GEMIN5: variants seen among roughly 807,000 people sequenced by gnomAD.
GEMIN5 encodes gem-associated protein 5.
In GEMIN5, 124 loss-of-function variants were observed where a neutral mutation model predicts 176.9. The observed-to-expected ratio is 0.70, with a 90% CI of 0.61 to 0.81. GEMIN5 has a LOEUF of 0.81. Among genes scored for constraint, GEMIN5 ranks in the 40% least tolerant of loss-of-function variants. The pLI is 0.00. For synonymous variants in GEMIN5, 673 were observed against 665.2 expected (o/e 1.01, Z -0.18); for missense variants, 1,843 against 1,814.6 (o/e 1.02, Z -0.28).
At position 154,888,648 on chromosome 5, in the gene GEMIN5, C is replaced by T. The variant is rs148983604; in HGVS notation, c.4360-271G>A. ...TGCAAATCCACCCTTAAAAATGGTG[C>T]TTCTATTAATATTTGGGCCCACAGC... On this transcript the variant is annotated intron_variant, in intron 27 of 27. Coordinates refer to ENST00000285873, the MANE Select transcript of GEMIN5 (RefSeq NM_015465.5). Among the ~76,000 whole-genome samples, 744 of 152,224 alleles carry T rather than the reference C, an allele frequency of 4.9e-3. 3 individuals carry two copies. The highest frequency in any genetic ancestry group is 6.8e-3 in the Non-Finnish European group (464 of 68,008).
chr5:154,933,364 A>G (rs906948216), intron 3 of GEMIN5, among the ~76,000 whole-genome samples: 4 of 152,172 alleles, frequency 2.6e-5, no homozygotes, highest in Admixed American at 2.6e-4. Context: ...TAATTCATCC[A>G]TGTTGATACA....
At chr5:154,908,303 C>G (rs1763616683) in intron 15 of GEMIN5, among the ~76,000 whole-genome samples, 1 of 151,614 alleles carries the variant, frequency 6.6e-6, no homozygotes. Context: ...GCTTCAGCCT[C>G]CTGAGTAGCT....
rs1262282129 is a variant in GEMIN5, at chr5:154,891,359, C to T, written c.4144G>A (p.Ala1382Thr). Reference protein sequence around the residue: ...RTVAEVQETLAEMIRQHQKSQ... With the variant: ...RTVAEVQETLTEMIRQHQKSQ... ...TTTTGGTGTTGTCGGATCATTTCTG[C>T]CAAGGTCTCTTGGACTTCAGCAACA... The change falls in exon 26 of 28, where the codon GCA (alanine) becomes ACA (threonine). Residue 1382 changes from alanine to threonine, a missense_variant. Coordinates refer to ENST00000285873, the MANE Select transcript of GEMIN5 (RefSeq NM_015465.5). 1.2e-6 allele frequency: 2 copies of T among 1,614,008 alleles called. No individual in the cohort carries two copies. Among genetic ancestry groups the T allele is most frequent in the Non-Finnish European group, 1.7e-6 (2 of 1,180,020 alleles).
intron 9 of GEMIN5, among the ~76,000 whole-genome samples, chr5:154,922,140 G>A (rs1456926795): frequency 6.6e-6 from 1 of 152,122 alleles, no homozygotes; most frequent in African/African-American, 2.4e-5. Flanking sequence ...TTTATAAACA[G>A]GCTAATTTAT....
chr5:154,911,830 C>T lies in GEMIN5; in HGVS notation c.2064G>A (p.Val688=). The T allele has an allele frequency of 6.2e-7, 1 of 1,613,934 alleles. No individual in the cohort carries two copies. Among genetic ancestry groups the T allele is most frequent in the African/African-American group, 1.3e-5 (1 of 75,024 alleles). The stretch of plus-strand genomic sequence containing the variant: ...AGTCTGGATCCAAAGGAGACCATGC[C>T]ACACAAAGCAGTCGACCTCGATGTC... ...FRGHRGRLLC[V]AWSPLDPDCI... The change falls in exon 15 of 28, where the codon GTG becomes GTA. Residue 688 remains valine (V), a synonymous_variant. Coordinates refer to ENST00000285873, the MANE Select transcript of GEMIN5 (RefSeq NM_015465.5).
chr5:154,927,627 CT>C (rs1764074139), intron 6 of GEMIN5, 77 bp from the exon 7 acceptor site: 1 of 1,043,830 alleles, frequency 9.6e-7, no homozygotes, highest in African/African-American at 1.6e-5. Flanking sequence ...AGAGTCTGGG[CT>C]CATAGCTGCA....
intron 18 of GEMIN5, among the ~76,000 whole-genome samples, chr5:154,904,280 G>C (rs574860035): frequency 6.6e-6 from 1 of 152,288 alleles, no homozygotes; most frequent in Admixed American, 6.5e-5. Flanking sequence ...TAAAAGCAGA[G>C]CGCTACATTT....
intron 24 of GEMIN5, among the ~76,000 whole-genome samples, chr5:154,895,568 G>A (rs1348707563): frequency 2.6e-5 from 4 of 152,144 alleles, no homozygotes; most frequent in Non-Finnish European, 5.9e-5. Flanking sequence ...TTGCCCTACT[G>A]TTTTTATTTT....
chr5:154,909,833 A>G (rs1180544890), intron 15 of GEMIN5, among the ~76,000 whole-genome samples: 2 of 152,090 alleles, frequency 1.3e-5, no homozygotes, highest in Non-Finnish European at 2.9e-5. Flanking sequence ...ACAAACAATT[A>G]GCTGGGTGTG....
At chr5:154,924,375 T>C in intron 9 of GEMIN5, 94 bp downstream of exon 9, 1 of 726,304 alleles carries the variant, frequency 1.4e-6, no homozygotes, top group Non-Finnish European at 2.4e-6. Flanking sequence ...AAGGCAACGT[T>C]ATGAAAAGGA....
intron 11 of GEMIN5, among the ~76,000 whole-genome samples, chr5:154,918,792 A>G (rs537402268): frequency 4.0e-5 from 6 of 151,808 alleles, no homozygotes; most frequent in Non-Finnish European, 7.4e-5. Flanking sequence ...GCCTATAATC[A>G]GTACTTTGGG....
At position 154,921,361 on chromosome 5, in the gene GEMIN5, C is replaced by A. The variant is rs1763917146; in HGVS notation, c.1444G>T (p.Val482Leu). The A allele has an allele frequency of 7.0e-7, 1 of 1,427,084 alleles. No individual in the cohort carries two copies. The highest frequency in any genetic ancestry group is 9.8e-7 in the Non-Finnish European group (1 of 1,016,900). The allele number at this position is 1,427,084 out of a possible 1,614,324, so 88.4% of individuals were successfully genotyped here. ...TVYTLAWGPP[V>L]PPMSLGGEGD... Reference sequence around the variant, plus strand: ...TACTTACCAAGTGACATGGGGGGTACTGGTGGCCCCCAGGCTAAAGTATAT... The same window carrying A: ...TACTTACCAAGTGACATGGGGGGTAATGGTGGCCCCCAGGCTAAAGTATAT... Residue 482 changes from valine (V) to leucine (L), a missense_variant, in exon 10 of 28, where the codon GTA becomes TTA. Physicochemically the swap from Val to Leu is conservative, Grantham distance 32. Transcript: ENST00000285873.
intron 24 of GEMIN5, among the ~76,000 whole-genome samples, chr5:154,893,046 G>C (rs535485283): frequency 1.4e-4 from 21 of 151,930 alleles, no homozygotes; most frequent in African/African-American, 4.6e-4. Context: ...GTGGTGAGCT[G>C]AGATTGCGCC....
Position 154,935,978 on chromosome 5 carries a change from T to C in GEMIN5, c.372A>G (p.Leu124=). 1 of 1,612,254 alleles carries C rather than the reference T, an allele frequency of 6.2e-7. No individual in the cohort carries two copies. Among genetic ancestry groups the C allele is most frequent in the Non-Finnish European group, 8.5e-7 (1 of 1,178,562 alleles). Residue 124 remains leucine (L), a synonymous_variant, in exon 3 of 28, where the codon TTA becomes TTG. Transcript: ENST00000285873. ...CTCCTTTTTCATCCCCAGATACTAT[T>C]AAGTCCTTTACTCGAGGAGACCAAT... The part of the protein sequence containing the change: ...TLHWSPRVKD[L]IVSGDEKGVV...
intron 16 of GEMIN5, among the ~76,000 whole-genome samples, chr5:154,907,243 C>G (rs529261305): frequency 6.7e-4 from 102 of 152,266 alleles, no homozygotes; most frequent in Admixed American, 9.8e-4. Context: ...GTTTCTTTCA[C>G]CAAATGTGGC....
In GEMIN5 at chr5:154,927,558, G is replaced by A; in HGVS notation, c.915-8C>T. 6.4e-7 allele frequency: 1 copy of A among 1,573,306 alleles called. No individual in the cohort carries two copies. The highest frequency in any genetic ancestry group is 8.7e-7 in the Non-Finnish European group (1 of 1,149,512). ...CATTGCAACAGTTCACCTCTGTGAA[G>A]GAAAAACATAAGCATTAGTTCTTTT... On this transcript the variant is annotated splice_region_variant and splice_polypyrimidine_tract_variant and intron_variant, in intron 6 of 27. Transcript: ENST00000285873.
At chr5:154,935,447 C>A (rs1764247217) in intron 3 of GEMIN5, among the ~76,000 whole-genome samples, 1 of 152,218 alleles carries the variant, frequency 6.6e-6, no homozygotes, top group Non-Finnish European at 1.5e-5. Flanking sequence ...GGAAACAGAT[C>A]CCAATGCCGC....
In GEMIN5 at chr5:154,929,943, A is replaced by C. The variant is rs368350644; in HGVS notation, c.782-1284T>G. Among the ~76,000 whole-genome samples, 10 of 152,316 alleles carry C rather than the reference A, an allele frequency of 6.6e-5. No homozygotes were observed. In the East Asian group the frequency reaches 1.7e-3, roughly 26 times the overall value. On this transcript the variant is annotated intron_variant, in intron 5 of 27. Coordinates refer to ENST00000285873, the MANE Select transcript of GEMIN5 (RefSeq NM_015465.5). ...AATAGTAAAACATGGAAGCAACCCA[A>C]ATGTCCATCAGTGTGTGAGATATGA...
Position 154,935,893 on chromosome 5 carries a change from T to C in GEMIN5, c.457A>G (p.Thr153Ala). ...GGTGAACAAGTAAGACAGAAAATTG[T>C]CCTGGGTTCTATAAAGAGGTGCTGG... ...DSQHLFIEPR[T>A]IFCLTCSPHH... The change falls in exon 3 of 28, where the codon ACA (threonine) becomes GCA (alanine). Residue 153 changes from threonine (T) to alanine (A), a missense_variant. By Grantham distance (58) the Thr-to-Ala change is moderately conservative. Transcript: ENST00000285873. 5.6e-6 allele frequency: 9 copies of C among 1,613,882 alleles called. No homozygotes were observed. The highest frequency in any genetic ancestry group is 6.8e-6 in the Non-Finnish European group (8 of 1,179,788).
Sources: allele counts gnomAD v4.1 joint callset (sites outside exome capture counted in the v4.1 genomes callset), GRCh38; gene constraint gnomAD v4.1.1; transcripts MANE v1.5; gene names NCBI Gene and HGNC (gene_info 2026-07-23, HGNC 2026-07-21).